The following WNT7B variants were observed in gnomAD, a reference collection of about 807,000 sequenced individuals.
WNT7B encodes Wnt family member 7B.
In WNT7B, 19 loss-of-function variants were observed where a neutral mutation model predicts 38.2. The ratio of observed to expected loss-of-function variants is 0.50; its 90% confidence interval spans 0.35 to 0.73. The LOEUF (loss-of-function observed/expected upper bound fraction) is 0.73. Among genes scored for constraint, WNT7B ranks in the 30% least tolerant of loss-of-function variants. The probability of loss-of-function intolerance (pLI) is 0.01; values close to 1 mark genes in which losing one functional copy is unlikely to be tolerated. For synonymous variants in WNT7B, 243 were observed against 209.3 expected, an observed-to-expected ratio of 1.16 and a Z score of -1.39; for missense variants, 423 against 507.9, an observed-to-expected ratio of 0.83 and a Z score of 1.61.
Position 45,976,611 on chromosome 22 carries a change from G to C in WNT7B, c.71+73C>G, listed in dbSNP as rs1213627320. On this transcript the variant is annotated intron_variant, in intron 1 of 3. Coordinates refer to ENST00000339464, the MANE Select transcript of WNT7B (RefSeq NM_058238.3). The surrounding 1 kb of genome is among the most constrained non-coding windows in gnomAD (Gnocchi z 8.5). ...CCCCCTCCAGTCCCCACGTCCCCACGGGGACGCCCCGGAGGCAGCTCCTTC... is the reference window on the plus strand; with the variant it reads ...CCCCCTCCAGTCCCCACGTCCCCACCGGGACGCCCCGGAGGCAGCTCCTTC... The C allele has an allele frequency of 1.3e-6, 2 of 1,519,538 alleles. No individual in the cohort carries two copies. The highest frequency in any genetic ancestry group is 2.8e-5 in the African/African-American group (2 of 72,156). 94.1% of individuals were successfully genotyped at this position (1,519,538 alleles called of 1,614,324 possible).
intron 1 of WNT7B, among the ~76,000 whole-genome samples, chr22:45,955,346 A>C (rs886249756): frequency 1.3e-5 from 2 of 152,200 alleles, no homozygotes; most frequent in Non-Finnish European, 2.9e-5. Flanking sequence ...GTGGGGGAAA[A>C]ATATCTACCA....
Position 45,966,503 on chromosome 22 carries a change from G to A in WNT7B, c.71+10181C>T, listed in dbSNP as rs1190027469. Among the ~76,000 whole-genome samples, 1 of 152,226 alleles carries A rather than the reference G, an allele frequency of 6.6e-6. No homozygotes were observed. The highest frequency in any genetic ancestry group is 2.4e-5 in the African/African-American group (1 of 41,458). On this transcript the variant is annotated intron_variant, in intron 1 of 3. Transcript: ENST00000339464. This position sits in a 1 kb window ranked among gnomAD's most constrained non-coding sequence, Gnocchi z 4.2. Reference sequence around the variant, plus strand: ...CTCCAGAAAGCGATAGAGGCCTGCAGGGGTCATGGGATAGGACTCCAGGGG... The same window carrying A: ...CTCCAGAAAGCGATAGAGGCCTGCAAGGGTCATGGGATAGGACTCCAGGGG...
intron 2 of WNT7B, among the ~76,000 whole-genome samples, chr22:45,937,563 G>T (rs989087564): frequency 6.6e-6 from 1 of 151,334 alleles, no homozygotes; most frequent in East Asian, 1.9e-4. Flanking sequence ...TGGGCAGCAG[G>T]TGTGCACCTC....
chr22:45,930,255 G>C (rs56763836), intron 3 of WNT7B, among the ~76,000 whole-genome samples: 1 of 152,202 alleles, frequency 6.6e-6, no homozygotes, highest in Non-Finnish European at 1.5e-5. Flanking sequence ...GAAAAGGGCA[G>C]TGAGTGACCA....
chr22:45,937,964 G>A (rs897532538), intron 2 of WNT7B, among the ~76,000 whole-genome samples: 34 of 151,956 alleles, frequency 2.2e-4, no homozygotes, highest in African/African-American at 4.6e-4. Context: ...AGCCGAGACC[G>A]CGCCATTGCA....
rs529187535 is a variant in WNT7B at position 45,970,930 on chromosome 22, G to A, written c.71+5754C>T. Among the ~76,000 whole-genome samples, 87 of 152,384 alleles carry A rather than the reference G, an allele frequency of 5.7e-4. 1 individual carries two copies. The highest frequency in any genetic ancestry group is 1.5e-3 in the African/African-American group (61 of 41,590). ...CGGGGCTGCCCGCCGGGCCTGGAGC[G>A]CTCTCTGTGCCCGGACCTTGTAATT... On this transcript the variant is annotated intron_variant, in intron 1 of 3. Coordinates refer to ENST00000339464, the MANE Select transcript of WNT7B (RefSeq NM_058238.3).
intron 1 of WNT7B, among the ~76,000 whole-genome samples, chr22:45,962,177 G>A (rs904173719): frequency 9.3e-4 from 140 of 150,166 alleles, no homozygotes; most frequent in African/African-American, 3.2e-3. Flanking sequence ...GGGGGCCCCA[G>A]GCAGGGCTGA....
At chr22:45,960,918 C>T (rs910233517) in intron 1 of WNT7B, among the ~76,000 whole-genome samples, 11 of 152,304 alleles carry the variant, frequency 7.2e-5, no homozygotes, top group African/African-American at 2.6e-4. Flanking sequence ...GGGGCAGGGG[C>T]TGGTGGTGGC....
chr22:45,964,010 A>G (rs1009146178), intron 1 of WNT7B, among the ~76,000 whole-genome samples: 2 of 152,038 alleles, frequency 1.3e-5, no homozygotes, highest in African/African-American at 4.8e-5. Context: ...AGGTTCTGAG[A>G]GAGAGCAGGT....
rs1389076023 is a variant in WNT7B at position 45,966,100 on chromosome 22, G to A, written c.71+10584C>T. The stretch of plus-strand genomic sequence containing the variant: ...CTCCCCTTCTCTGGCAGCCCGAGGG[G>A]GACACAGATTCCAAAGCAGACCCTG... On this transcript the variant is annotated intron_variant, in intron 1 of 3. Coordinates refer to ENST00000339464, the MANE Select transcript of WNT7B (RefSeq NM_058238.3). This position sits in a 1 kb window ranked among gnomAD's most constrained non-coding sequence, Gnocchi z 4.2. Among the ~76,000 whole-genome samples, 1 of 152,146 alleles carries A rather than the reference G, an allele frequency of 6.6e-6. No homozygotes were observed. Among genetic ancestry groups the A allele is most frequent in the Admixed American group, 6.5e-5 (1 of 15,284 alleles).
intron 1 of WNT7B, among the ~76,000 whole-genome samples, chr22:45,952,579 T>G (rs1931959457): frequency 6.6e-6 from 1 of 152,218 alleles, no homozygotes; most frequent in South Asian, 2.1e-4. Flanking sequence ...CTGTTTGCCG[T>G]GGGGCAGAGC....
chr22:45,965,346 C>T lies in WNT7B; in HGVS notation c.71+11338G>A, dbSNP rs1211797868. Among the ~76,000 whole-genome samples, 5 of 152,300 alleles carry T rather than the reference C, an allele frequency of 3.3e-5. No individual in the cohort carries two copies. The highest frequency in any genetic ancestry group is 1.9e-4 in the East Asian group (1 of 5,172). On this transcript the variant is annotated intron_variant, in intron 1 of 3. Coordinates refer to ENST00000339464, the MANE Select transcript of WNT7B (RefSeq NM_058238.3). The surrounding 1 kb of genome is among the most constrained non-coding windows in gnomAD (Gnocchi z 6.5). ...GTGTCAACGACGCTGGAAGGCAGGG[C>T]GGTAGGGACTTTCCTTCCCAGTCAC...
chr22:45,964,023 G>T (rs966427170), intron 1 of WNT7B, among the ~76,000 whole-genome samples: 1 of 152,060 alleles, frequency 6.6e-6, no homozygotes, highest in South Asian at 2.1e-4. Context: ...GAGCAGGTGC[G>T]GCCCATGTGC....
chr22:45,949,978 T>G lies in WNT7B; in HGVS notation c.240A>C (p.Gly80=). 6.2e-7 allele frequency: 1 copy of G among 1,613,806 alleles called. No homozygotes were observed. Among genetic ancestry groups the G allele is most frequent in the Non-Finnish European group, 8.5e-7 (1 of 1,179,998 alleles). ...INECQYQFRF[G]RWNCSALGEK... is the part of the protein sequence containing the mutation. ...CGCCGAGGGCAGAGCAGTTCCAGCGTCCGAAGCGGAACTGGTACTGGCACT... is the reference window on the plus strand; with the variant it reads ...CGCCGAGGGCAGAGCAGTTCCAGCGGCCGAAGCGGAACTGGTACTGGCACT... The change falls in exon 2 of 4, where the codon GGA becomes GGC. Residue 80 remains glycine (G), a synonymous_variant. Coordinates refer to ENST00000339464, the MANE Select transcript of WNT7B (RefSeq NM_058238.3).
chr22:45,927,468 T>C (rs1931123995), intron 3 of WNT7B: 34 of 1,549,814 alleles, frequency 2.2e-5, no homozygotes, highest in South Asian at 4.8e-5. Flanking sequence ...CCCAAATTCA[T>C]GTCTGCTCAG....
chr22:45,973,740 C>A (rs927948240), intron 1 of WNT7B, among the ~76,000 whole-genome samples: 2 of 152,206 alleles, frequency 1.3e-5, no homozygotes, highest in Admixed American at 1.3e-4. Flanking sequence ...CTCCAAATCC[C>A]AGGTGCATTT....
chr22:45,974,321 C>T (rs1023504310), intron 1 of WNT7B, among the ~76,000 whole-genome samples: 1 of 152,210 alleles, frequency 6.6e-6, no homozygotes, highest in Non-Finnish European at 1.5e-5. Context: ...ACTCCCCAAC[C>T]TCCTCCTTAA....
chr22:45,933,556 CATGGGG>C (rs1298702580), intron 2 of WNT7B, among the ~76,000 whole-genome samples: 3 of 151,776 alleles, frequency 2.0e-5, no homozygotes, highest in African/African-American at 7.3e-5. Context: ...TCAGAAATCT[CATGGGG>C]GTAGGGGGAG....
intron 3 of WNT7B, among the ~76,000 whole-genome samples, chr22:45,930,191 A>T (rs73175055): frequency 6.6e-6 from 1 of 152,158 alleles, no homozygotes; most frequent in Admixed American, 6.5e-5. Context: ...CCCAGTTCCC[A>T]CAGCCAGGGC....
Sources: gnomAD v4.1 joint callset for allele counts (sites outside exome capture counted in the v4.1 genomes callset) on GRCh38, gnomAD v4.1.1 for gene constraint, Gnocchi (gnomAD v3.1) non-coding constraint, MANE v1.5 for transcripts, NCBI Gene and HGNC (gene_info 2026-07-23, HGNC 2026-07-21) for gene names.